The following ANKRD55 variants were observed in gnomAD, a reference collection of about 807,000 sequenced individuals.
The protein encoded by ANKRD55 is ankyrin repeat domain 55.
ANKRD55 carries 41 observed loss-of-function variants against 60.6 expected under a neutral mutation model. That is an observed-to-expected ratio of 0.68 (90% CI 0.53 to 0.88). ANKRD55 has a LOEUF of 0.88. Among genes scored for constraint, ANKRD55 ranks in the 40% least tolerant of loss-of-function variants. The pLI is 0.00. For synonymous variants in ANKRD55, 264 were observed against 290.3 expected, an observed-to-expected ratio of 0.91 and a Z score of 0.92; for missense variants, 732 against 767.6, an observed-to-expected ratio of 0.95 and a Z score of 0.55.
chr5:56,170,904 A>C (rs1758599925), intron 4 of ANKRD55, 101 bp from the exon 5 acceptor site: 3 of 1,074,348 alleles, frequency 2.8e-6, no homozygotes, highest in Non-Finnish European at 4.1e-6. Flanking sequence ...GGTTTGGTTA[A>C]AAACATATTT....
chr5:56,173,929 T>C (rs1466399709), intron 4 of ANKRD55, among the ~76,000 whole-genome samples: 1 of 152,170 alleles, frequency 6.6e-6, no homozygotes, highest in Non-Finnish European at 1.5e-5. Context: ...GGCTGAGACT[T>C]AACTTCTAAG....
intron 6 of ANKRD55, among the ~76,000 whole-genome samples, chr5:56,151,163 T>G (rs1487976551): frequency 6.6e-6 from 1 of 152,160 alleles, no homozygotes; most frequent in Non-Finnish European, 1.5e-5. Flanking sequence ...CAGCCTAATT[T>G]CAGGTATGTT....
At chr5:56,206,512 C>T (rs1023936783) in intron 2 of ANKRD55, among the ~76,000 whole-genome samples, 4 of 152,044 alleles carry the variant, frequency 2.6e-5, no homozygotes, top group African/African-American at 7.3e-5. Flanking sequence ...TGCATCCTAC[C>T]CCACCTCCTT....
intron 2 of ANKRD55, among the ~76,000 whole-genome samples, chr5:56,191,623 C>G (rs1759094351): frequency 6.6e-6 from 1 of 152,138 alleles, no homozygotes; most frequent in African/African-American, 2.4e-5. Flanking sequence ...CGAGTCACCT[C>G]AAGAAGTAGT....
At chr5:56,140,738 C>T (rs999989343) in intron 7 of ANKRD55, among the ~76,000 whole-genome samples, 3 of 152,104 alleles carry the variant, frequency 2.0e-5, no homozygotes, top group African/African-American at 7.2e-5. Context: ...CTGCATATTA[C>T]AGTCTTCTAT....
At position 56,138,132 on chromosome 5, in the gene ANKRD55, T is replaced by C. The variant is rs373590490; in HGVS notation, c.612+5669A>G. On this transcript the variant is annotated intron_variant, in intron 7 of 11. Transcript: ENST00000341048. ...CAGTTTGGTGGTTTCTTTTTCTTTT[T>C]TTTTTTTTTTTTTGAGACAGAGTCT... 5.2e-4 allele frequency among the ~76,000 whole-genome samples: 77 copies of C among 149,358 alleles called. 2 individuals are homozygous for C. The East Asian group carries it at 0.012, about 23-fold the overall frequency.
intron 8 of ANKRD55, among the ~76,000 whole-genome samples, chr5:56,118,582 C>G (rs1172474672): frequency 6.6e-6 from 1 of 151,944 alleles, no homozygotes; most frequent in African/African-American, 2.4e-5. Flanking sequence ...CGAGATCATG[C>G]CACTGCACTC....
chr5:56,153,007 A>C (rs1302039337), intron 6 of ANKRD55, among the ~76,000 whole-genome samples: 10 of 152,180 alleles, frequency 6.6e-5, no homozygotes, highest in Admixed American at 6.5e-4. Flanking sequence ...CAAAATAGCC[A>C]ACAGCCTACG....
In ANKRD55 at chr5:56,183,564, C is replaced by T; in HGVS notation, c.129G>A (p.Leu43=). The change falls in exon 3 of 12, where the codon CTG becomes CTA. Residue 43 remains leucine (L), a synonymous_variant. Coordinates refer to ENST00000341048, the MANE Select transcript of ANKRD55 (RefSeq NM_024669.3). The stretch of plus-strand genomic sequence containing the variant: ...AAGGGTCTTCCCGAATCACTGCAGT[C>T]AGAGCATTGACATCTCCATTAGAGG... The part of the protein sequence containing the change: ...QAASNGDVNA[L]TAVIREDPSI... 1 of 1,614,168 alleles carries T rather than the reference C, an allele frequency of 6.2e-7. No homozygotes were observed.
chr5:56,169,720 G>A (rs2111811390), intron 5 of ANKRD55, among the ~76,000 whole-genome samples: 1 of 152,324 alleles, frequency 6.6e-6, no homozygotes, highest in African/African-American at 2.4e-5. Flanking sequence ...CCTCAACCCA[G>A]ACAGGGCTTC....
intron 6 of ANKRD55, among the ~76,000 whole-genome samples, chr5:56,155,150 A>G (rs181578009): frequency 4.6e-5 from 7 of 151,146 alleles, no homozygotes; most frequent in African/African-American, 1.7e-4. Flanking sequence ...CTGGAGGCTG[A>G]GGCAGTAGGC....
At chr5:56,177,220 AAATTGAGTTGCAGT>A in intron 3 of ANKRD55, among the ~76,000 whole-genome samples, 1 of 152,110 alleles carries the variant, frequency 6.6e-6, no homozygotes, top group Non-Finnish European at 1.5e-5. Context: ...AGGACACCAG[AAATTGAGTTGCAGT>A]CGGCAACTCA....
At chr5:56,217,870 T>A (rs1428058968) in intron 2 of ANKRD55, among the ~76,000 whole-genome samples, 1 of 148,052 alleles carries the variant, frequency 6.8e-6, no homozygotes, top group African/African-American at 2.5e-5. Context: ...CACTCCAGCC[T>A]GGGTGACAGA....
chr5:56,197,446 GA>G (rs1327735267), intron 2 of ANKRD55, among the ~76,000 whole-genome samples: 2 of 152,116 alleles, frequency 1.3e-5, no homozygotes, highest in African/African-American at 2.4e-5. Flanking sequence ...ATAACATACA[GA>G]GCACTTTTCT....
chr5:56,104,784 A>G lies in ANKRD55; in HGVS notation c.1631-2198T>C, dbSNP rs151041821. ...AGCAAGGCGTTCAGGAGGGGATTGCAATTGATGTGGGAGGAAAGACAGGTA... is the reference window on the plus strand; with the variant it reads ...AGCAAGGCGTTCAGGAGGGGATTGCGATTGATGTGGGAGGAAAGACAGGTA... On this transcript the variant is annotated intron_variant, in intron 10 of 11. Coordinates refer to ENST00000341048, the MANE Select transcript of ANKRD55 (RefSeq NM_024669.3). Among the ~76,000 whole-genome samples the G allele has an allele frequency of 7.9e-4, 120 of 152,258 alleles. 3 individuals carry two copies. In the East Asian group the frequency reaches 0.021, roughly 27 times the overall value.
chr5:56,141,551 A>T (rs373367112), intron 7 of ANKRD55, among the ~76,000 whole-genome samples: 1 of 152,338 alleles, frequency 6.6e-6, no homozygotes, highest in African/African-American at 2.4e-5. Context: ...GTAGGTTAAA[A>T]GCTGTGACAT....
chr5:56,112,102 A>T (rs1756727004), intron 9 of ANKRD55, among the ~76,000 whole-genome samples: 1 of 152,170 alleles, frequency 6.6e-6, no homozygotes, highest in African/African-American at 2.4e-5. Context: ...AACTAAACTG[A>T]AAATTAGCTG....
At chr5:56,202,461 T>C (rs1440241032) in intron 2 of ANKRD55, among the ~76,000 whole-genome samples, 2 of 152,208 alleles carry the variant, frequency 1.3e-5, no homozygotes, top group African/African-American at 4.8e-5. Context: ...AGAAACATTT[T>C]TACCATTTCT....
intron 8 of ANKRD55, among the ~76,000 whole-genome samples, chr5:56,119,681 G>C (rs1257547560): frequency 6.6e-6 from 1 of 152,194 alleles, no homozygotes; most frequent in African/African-American, 2.4e-5. Flanking sequence ...TCGGGAGGCA[G>C]AGGTGGGAGA....
Sources: allele counts gnomAD v4.1 joint callset (sites outside exome capture counted in the v4.1 genomes callset), GRCh38; gene constraint gnomAD v4.1.1; transcripts MANE v1.5; gene names NCBI Gene and HGNC (gene_info 2026-07-23, HGNC 2026-07-21).